TSPAN18: variants seen among roughly 807,000 people sequenced by gnomAD.
The protein encoded by TSPAN18 is tetraspanin-18.
A neutral mutation model predicts 27.3 loss-of-function variants in TSPAN18; 14 were observed. The ratio of observed to expected loss-of-function variants is 0.51; its 90% CI spans 0.34 to 0.80. TSPAN18 has a LOEUF of 0.80. Among genes scored for constraint, TSPAN18 ranks in the 30% least tolerant of loss-of-function variants. The probability of loss-of-function intolerance (pLI) is 0.01; values close to 1 mark genes in which losing one functional copy is unlikely to be tolerated. For synonymous variants in TSPAN18, 143 were observed against 136.5 expected (o/e 1.05, Z -0.33); for missense variants, 268 against 323.9 (o/e 0.83, Z 1.32).
chr11:44,925,700 G>A (rs1331835281), intron 8 of TSPAN18: 1 of 152,224 alleles, frequency 6.6e-6, no homozygotes, highest in African/African-American at 2.4e-5. Context: ...CCCATCTGGG[G>A]ATTTGTTCCC....
intron 2 of TSPAN18, among the ~76,000 whole-genome samples, chr11:44,779,706 C>A (rs1015959887): frequency 6.6e-6 from 1 of 151,994 alleles, no homozygotes; most frequent in Non-Finnish European, 1.5e-5. Flanking sequence ...ACCTGCATAC[C>A]GGTGCATATC....
intron 2 of TSPAN18, among the ~76,000 whole-genome samples, chr11:44,792,072 A>G (rs1856238429): frequency 6.6e-6 from 1 of 152,194 alleles, no homozygotes; most frequent in African/African-American, 2.4e-5. Flanking sequence ...ATTCAATGTC[A>G]ATTTATTTAT....
upstream of TSPAN18, chr11:44,726,446 C>A (rs1255301063): frequency 6.6e-6 from 1 of 152,234 alleles, no homozygotes; most frequent in African/African-American, 2.4e-5. Context: ...GGTCAGGCCC[C>A]TCCATGCAGG....
chr11:44,878,326 G>T (rs915554310), intron 3 of TSPAN18, among the ~76,000 whole-genome samples: 4 of 152,178 alleles, frequency 2.6e-5, no homozygotes, highest in African/African-American at 9.7e-5. Flanking sequence ...AACAAGCCAC[G>T]CTGGGCTCCC....
chr11:44,896,093 C>T (rs766387012), intron 3 of TSPAN18, among the ~76,000 whole-genome samples: 1 of 152,206 alleles, frequency 6.6e-6, no homozygotes, highest in Middle Eastern at 3.4e-3. Context: ...TACATCTACT[C>T]AGTGGATGGT....
chr11:44,728,037 G>A (rs933918120), intron 1 of TSPAN18, among the ~76,000 whole-genome samples: 3 of 152,216 alleles, frequency 2.0e-5, no homozygotes, highest in Middle Eastern at 3.2e-3. Flanking sequence ...CCCGGCCCTC[G>A]CCAGCAGGAA....
intron 2 of TSPAN18, among the ~76,000 whole-genome samples, chr11:44,821,763 G>C (rs1350239137): frequency 6.6e-6 from 1 of 152,152 alleles, no homozygotes; most frequent in African/African-American, 2.4e-5. Flanking sequence ...GCACACACTG[G>C]GCTTCTGCAT....
intron 3 of TSPAN18, chr11:44,901,432 G>A (rs1237260964): frequency 6.6e-6 from 1 of 152,282 alleles, no homozygotes; most frequent in African/African-American, 2.4e-5. Flanking sequence ...ATCCTACCCT[G>A]GAGAGAAGCT....
intron 3 of TSPAN18, among the ~76,000 whole-genome samples, chr11:44,894,429 C>T (rs1343397551): frequency 1.3e-5 from 2 of 152,240 alleles, no homozygotes; most frequent in South Asian, 2.1e-4. Context: ...CTCTCTTGTC[C>T]GGCCGCCTCC....
chr11:44,806,110 C>T (rs190254405), intron 2 of TSPAN18, among the ~76,000 whole-genome samples: 4 of 150,120 alleles, frequency 2.7e-5, no homozygotes, highest in African/African-American at 9.8e-5. Flanking sequence ...TCTTGGCTCA[C>T]TGCAACCTCC....
At chr11:44,927,519 T>C (rs1860409213) in intron 9 of TSPAN18, among the ~76,000 whole-genome samples, 1 of 152,230 alleles carries the variant, frequency 6.6e-6, no homozygotes, top group Non-Finnish European at 1.5e-5. Context: ...AACTTCGCCT[T>C]GCCTGGTTTC....
intron 3 of TSPAN18, among the ~76,000 whole-genome samples, chr11:44,889,893 G>A (rs1357489363): frequency 6.6e-6 from 1 of 152,232 alleles, no homozygotes; most frequent in Non-Finnish European, 1.5e-5. Flanking sequence ...AGGTCCCAGA[G>A]GTCTGAGGGT....
At chr11:44,924,128 T>TGA (rs1554941270) in intron 8 of TSPAN18, among the ~76,000 whole-genome samples, 4 of 151,760 alleles carry the variant, frequency 2.6e-5, no homozygotes, top group African/African-American at 9.7e-5. Flanking sequence ...TGTGTGTGTG[T>TGA]GTGATTATAT....
intron 2 of TSPAN18, among the ~76,000 whole-genome samples, chr11:44,808,106 T>C (rs1379570625): frequency 6.6e-6 from 1 of 152,210 alleles, no homozygotes; most frequent in Non-Finnish European, 1.5e-5. Flanking sequence ...TGATTTTTTT[T>C]GTATAAACCC....
At chr11:44,812,150 T>C (rs950203116) in intron 2 of TSPAN18, among the ~76,000 whole-genome samples, 3 of 152,154 alleles carry the variant, frequency 2.0e-5, no homozygotes, top group African/African-American at 7.2e-5. Flanking sequence ...GCCAGGCAGG[T>C]CTAACCAAGG....
chr11:44,760,060 CTT>C (rs1565136839), intron 1 of TSPAN18, among the ~76,000 whole-genome samples: 1 of 152,160 alleles, frequency 6.6e-6, no homozygotes, highest in Non-Finnish European at 1.5e-5. Flanking sequence ...GCTGAGCACA[CTT>C]TGAGTCCAGG....
In TSPAN18 at chr11:44,930,263, C is replaced by T. The variant is rs1206434859; in HGVS notation, c.*1085C>T. ...ATCTTCTTCAACATCCTTGCCAAGA[C>T]TTCTCCACCCTCTTGCATACCTCCA... On this transcript the variant is annotated 3_prime_UTR_variant, in exon 10 of 10. Transcript: ENST00000520358. The T allele has an allele frequency of 6.6e-6, 1 of 152,526 alleles. No homozygotes were observed. Among genetic ancestry groups the T allele is most frequent in the African/African-American group, 2.4e-5 (1 of 41,452 alleles). 9.4% of individuals were successfully genotyped at this position (152,526 alleles called of 1,614,324 possible).
chr11:44,827,732 G>A (rs939936914), intron 2 of TSPAN18, among the ~76,000 whole-genome samples: 1 of 152,222 alleles, frequency 6.6e-6, no homozygotes, highest in Non-Finnish European at 1.5e-5. Context: ...CATGTGGGAA[G>A]CTCAGTGTGC....
intron 2 of TSPAN18, among the ~76,000 whole-genome samples, chr11:44,816,980 G>T (rs1158039055): frequency 1.3e-5 from 2 of 152,228 alleles, no homozygotes; most frequent in African/African-American, 4.8e-5. Flanking sequence ...TGGCTAGTTG[G>T]GCTCTGGTGC....
Sources: gnomAD v4.1 joint callset for allele counts (sites outside exome capture counted in the v4.1 genomes callset) on GRCh38, gnomAD v4.1.1 for gene constraint, MANE v1.5 for transcripts, NCBI Gene and HGNC (gene_info 2026-07-23, HGNC 2026-07-21) for gene names.